Variants in MYH11 observed in about 807,000 individuals in gnomAD.
The protein encoded by MYH11 is myosin-11.
In MYH11, 80 loss-of-function variants were observed where a neutral mutation model predicts 246.6. The observed-to-expected ratio is 0.32, with a 90% confidence interval of 0.27 to 0.39. The LOEUF (loss-of-function observed/expected upper bound fraction) is 0.39, where lower values mean the gene tolerates loss of function less well. MYH11 is among the 10% of genes least tolerant of loss of function. The probability of loss-of-function intolerance (pLI) is 1.00; values close to 1 mark genes in which losing one functional copy is unlikely to be tolerated. For missense variants in MYH11, 2,158 were observed against 2,546.8 expected (o/e 0.85, Z 3.29); for synonymous variants, 1,071 against 1,015.5 (o/e 1.05, Z -1.04).
At position 15,724,370 on chromosome 16, in the gene MYH11, T is replaced by C. The variant is rs2040639843; in HGVS notation, c.4156A>G (p.Thr1386Ala). The change falls in exon 31 of 41, where the codon ACC (threonine) becomes GCC (alanine). Residue 1386 changes from threonine to alanine, a missense_variant. Physicochemically the swap from Thr to Ala is moderately conservative, Grantham distance 58 (BLOSUM62 0). Around this residue, in one of 11 missense-constraint regions of MYH11, gnomAD observed 1,013 missense variants for 993.5 expected, o/e 1.02. Coordinates refer to ENST00000300036, the MANE Select transcript of MYH11 (RefSeq NM_002474.3). Reference sequence around the variant, plus strand: ...TTCCCCTCTTCCAGAGCTTCCACGGTGCTGGCAAAGTCCTGCAGCTTCTTC... The same window carrying C: ...TTCCCCTCTTCCAGAGCTTCCACGGCGCTGGCAAAGTCCTGCAGCTTCTTC... The part of the protein sequence containing the change: ...SKKKLQDFAS[T>A]VEALEEGKKR... The C allele has an allele frequency of 5.0e-6, 8 of 1,614,138 alleles. No homozygotes were observed. The highest frequency in any genetic ancestry group is 6.8e-6 in the Non-Finnish European group (8 of 1,180,046).
At chr16:15,844,976 C>T (rs1399498222) in intron 1 of MYH11, among the ~76,000 whole-genome samples, 1 of 152,174 alleles carries the variant, frequency 6.6e-6, no homozygotes, top group Non-Finnish European at 1.5e-5. Context: ...TGATTGGTTG[C>T]CTCCTCTTGA....
At chr16:15,757,446 T>C (rs1010571357) in intron 13 of MYH11, among the ~76,000 whole-genome samples, 2 of 132,140 alleles carry the variant, frequency 1.5e-5, no homozygotes, top group African/African-American at 5.8e-5. Context: ...GAGGTGGAGG[T>C]TGCAGTGAGG....
At chr16:15,793,146 G>A (rs2042655081) in intron 4 of MYH11, among the ~76,000 whole-genome samples, 1 of 152,106 alleles carries the variant, frequency 6.6e-6, no homozygotes, top group Non-Finnish European at 1.5e-5. Context: ...TTAGCCCCCT[G>A]ATCACACAGC....
chr16:15,771,779 T>A (rs1010413117), intron 8 of MYH11, 67 bp from the exon 9 acceptor site: 1 of 1,589,622 alleles, frequency 6.3e-7, no homozygotes, highest in Non-Finnish European at 8.6e-7. Flanking sequence ...GAGACCGAGA[T>A]CTGGTCAAGG....
At chr16:15,780,637 T>G (rs2042331812) in intron 6 of MYH11, among the ~76,000 whole-genome samples, 1 of 151,700 alleles carries the variant, frequency 6.6e-6, no homozygotes, top group Non-Finnish European at 1.5e-5. Context: ...CATGTGTCAC[T>G]GCGCCCAGCT....
At chr16:15,772,822 C>A in intron 8 of MYH11, among the ~76,000 whole-genome samples, 1 of 152,136 alleles carries the variant, frequency 6.6e-6, no homozygotes, top group Admixed American at 6.5e-5. Flanking sequence ...ATAAGATCAG[C>A]AGCAGCATTA....
intron 3 of MYH11, among the ~76,000 whole-genome samples, chr16:15,803,451 A>T (rs2042936072): frequency 6.6e-6 from 1 of 151,592 alleles, no homozygotes; most frequent in East Asian, 2.0e-4. Context: ...TAATTTTTCT[A>T]TTTTTTGTAG....
intron 8 of MYH11, among the ~76,000 whole-genome samples, chr16:15,773,795 T>G (rs56374730): frequency 0.21 from 31,399 of 152,154 alleles, 3,597 homozygotes; most frequent in Non-Finnish European, 0.26. Flanking sequence ...AAACGTTTAC[T>G]ACTGACCCTT....
chr16:15,788,077 C>CTTTTTTTTTTTTTTTTTTT lies in MYH11; in HGVS notation c.531-1346_531-1345insAAAAAAAAAAAAAAAAAAA, dbSNP rs1555569336. ...GTCCTCCTGGAATATGAAGGTAGAT[C>CTTTTTTTTTTTTTTTTTTT]TTTTTTTTTTTTTTTTTTACCAAGA... is the stretch of plus-strand genomic sequence containing the variant. On this transcript the variant is annotated intron_variant, in intron 4 of 40. Coordinates refer to ENST00000300036, the MANE Select transcript of MYH11 (RefSeq NM_002474.3). 1.6e-4 allele frequency among the ~76,000 whole-genome samples: 9 copies of CTTTTTTTTTTTTTTTTTTT among 55,364 alleles called. 1 individual carries two copies. Among genetic ancestry groups the CTTTTTTTTTTTTTTTTTTT allele is most frequent in the South Asian group, 9.1e-4 (1 of 1,100 alleles). The allele number at this position is 55,364 out of a possible 152,430, so 36.3% of individuals were successfully genotyped here.
Position 15,719,760 on chromosome 16 carries a change from C to T in MYH11, c.4954-47G>A, listed in dbSNP as rs556526678. ...ACAAGCTCAGATGTCCTTACTCCCC[C>T]AAGTTCTGCTGCCCAGTTCAGCTTT... On this transcript the variant is annotated intron_variant, in intron 34 of 40. Coordinates refer to ENST00000300036, the MANE Select transcript of MYH11 (RefSeq NM_002474.3). 22 of 1,613,068 alleles carry T rather than the reference C, an allele frequency of 1.4e-5. No homozygotes were observed. In the East Asian group the frequency reaches 4.7e-4, roughly 34 times the overall value.
At chr16:15,849,043 A>C (rs967042126) in intron 1 of MYH11, among the ~76,000 whole-genome samples, 1 of 152,208 alleles carries the variant, frequency 6.6e-6, no homozygotes, top group Non-Finnish European at 1.5e-5. Flanking sequence ...CACGAAGTAC[A>C]GTTCACTCAT....
chr16:15,786,269 G>C (rs924623982), intron 5 of MYH11: 1 of 394,738 alleles, frequency 2.5e-6, no homozygotes, highest in East Asian at 6.1e-5. Context: ...GGGATGTTGT[G>C]AAACATTCTA....
chr16:15,779,303 T>C, intron 6 of MYH11: 1 of 227,566 alleles, frequency 4.4e-6, no homozygotes, highest in Non-Finnish European at 8.5e-6. Flanking sequence ...CATATCTGGC[T>C]AATTTTTAAA....
At chr16:15,707,355 C>G (rs2039512731) in intron 40 of MYH11, among the ~76,000 whole-genome samples, 1 of 152,146 alleles carries the variant, frequency 6.6e-6, no homozygotes, top group South Asian at 2.1e-4. Flanking sequence ...TTCGTGGACT[C>G]AGCTTATCCA....
Position 15,737,512 on chromosome 16 carries a change from T to C in MYH11, c.3230A>G (p.Gln1077Arg). 6.2e-7 allele frequency: 1 copy of C among 1,614,016 alleles called. No homozygotes were observed. Among genetic ancestry groups the C allele is most frequent in the Non-Finnish European group, 8.5e-7 (1 of 1,180,016 alleles). The change falls in exon 25 of 41, where the codon CAG (glutamine) becomes CGG (arginine). Residue 1077 changes from glutamine to arginine, a missense_variant. By Grantham distance (43) the Gln-to-Arg change is conservative. Transcript: ENST00000300036. ...CAGCTGCATCTTGAGCTCTGCGATC[T>C]GCGCCTGGAGGTCAGCGATCTGCTC... ...FHEQIADLQA[Q>R]IAELKMQLAK...
chr16:15,835,731 C>A (rs2043872801), intron 2 of MYH11, among the ~76,000 whole-genome samples: 1 of 150,684 alleles, frequency 6.6e-6, no homozygotes, highest in Admixed American at 6.6e-5. Context: ...TAACCCACTC[C>A]ATGAAGCTGG....
At chr16:15,839,415 G>A (rs1323097949) in intron 1 of MYH11, among the ~76,000 whole-genome samples, 1 of 151,882 alleles carries the variant, frequency 6.6e-6, no homozygotes. Context: ...AATGGCGGCC[G>A]GGCGCGGTGG....
chr16:15,742,662 C>T (rs2041307362), intron 20 of MYH11, among the ~76,000 whole-genome samples: 2 of 152,008 alleles, frequency 1.3e-5, no homozygotes, highest in Non-Finnish European at 2.9e-5. Flanking sequence ...ACCCTGCAGG[C>T]TGAGGCTGCA....
In MYH11 at chr16:15,703,850, T is replaced by C. The variant is rs2039310850; in HGVS notation, c.*141A>G. ...CTTGTGTGAGGGGTGTCTGTGATAT[T>C]TGGAATTTGAGAATGGATTTAGACA... On this transcript the variant is annotated 3_prime_UTR_variant, in exon 41 of 41. Transcript: ENST00000300036. 2 of 1,196,628 alleles carry C rather than the reference T, an allele frequency of 1.7e-6. No homozygotes were observed. Among genetic ancestry groups the C allele is most frequent in the Middle Eastern group, 2.6e-4 (1 of 3,826 alleles). The allele number at this position is 1,196,628 out of a possible 1,614,324, so 74.1% of individuals were successfully genotyped here. A position where few individuals can be genotyped will look rare whatever the true frequency, so the allele number is the denominator to read the frequency against.
Sources: allele counts gnomAD v4.1 joint callset (sites outside exome capture counted in the v4.1 genomes callset), GRCh38; gene constraint gnomAD v4.1.1; regional missense constraint gnomAD v4.1.1; transcripts MANE v1.5; gene names NCBI Gene and HGNC (gene_info 2026-07-23, HGNC 2026-07-21).